The following GRM8 variants were observed in gnomAD, a reference collection of about 807,000 sequenced individuals.
GRM8 encodes the protein metabotropic glutamate receptor 8.
GRM8 carries 47 observed loss-of-function variants against 87.2 expected under a neutral mutation model. The ratio of observed to expected loss-of-function variants is 0.54; its 90% confidence interval spans 0.43 to 0.69. GRM8 has a LOEUF of 0.69. GRM8 is among the 30% of genes least tolerant of loss of function. The pLI is 0.00. For synonymous variants in GRM8, 396 were observed against 404.5 expected (o/e 0.98, Z 0.25); for missense variants, 1,019 against 1,139.2 (o/e 0.89, Z 1.52).
At chr7:126,532,889 A>G (rs1169282531) in intron 9 of GRM8, 63 bp downstream of exon 9, 1 of 943,832 alleles carries the variant, frequency 1.1e-6, no homozygotes, top group Non-Finnish European at 1.6e-6. Flanking sequence ...AAGGAGGAAA[A>G]GCATCCTAAA....
intron 3 of GRM8, among the ~76,000 whole-genome samples, chr7:126,915,738 G>T (rs1259792662): frequency 6.6e-6 from 1 of 152,118 alleles, no homozygotes; most frequent in African/African-American, 2.4e-5. Flanking sequence ...GGTGGCGGGG[G>T]AGAATGAAAG....
intron 6 of GRM8, among the ~76,000 whole-genome samples, chr7:126,845,504 A>C (rs905590000): frequency 6.6e-6 from 1 of 152,198 alleles, no homozygotes; most frequent in Non-Finnish European, 1.5e-5. Context: ...CACAATCTGC[A>C]CAGAAATGAA....
chr7:126,932,763 C>T (rs186232970), intron 3 of GRM8, among the ~76,000 whole-genome samples: 3 of 152,206 alleles, frequency 2.0e-5, no homozygotes, highest in Admixed American at 2.0e-4. Flanking sequence ...CCCTTATAGC[C>T]AGGCAGGGGT....
chr7:126,630,354 C>T (rs1448287040), intron 7 of GRM8, among the ~76,000 whole-genome samples: 2 of 151,846 alleles, frequency 1.3e-5, no homozygotes, highest in African/African-American at 4.8e-5. Flanking sequence ...CTGACTAGAC[C>T]AATAACAAGT....
chr7:127,032,125 C>A (rs1422029297), intron 3 of GRM8, among the ~76,000 whole-genome samples: 1 of 152,118 alleles, frequency 6.6e-6, no homozygotes, highest in Non-Finnish European at 1.5e-5. Context: ...TGAACCTATT[C>A]TTTTACTATT....
intron 3 of GRM8, among the ~76,000 whole-genome samples, chr7:127,063,080 G>A (rs546954817): frequency 1.8e-4 from 27 of 151,896 alleles, no homozygotes; most frequent in African/African-American, 5.6e-4. Flanking sequence ...GTGAAACCCC[G>A]TTTCTACAAA....
intron 7 of GRM8, among the ~76,000 whole-genome samples, chr7:126,649,244 A>G (rs894698459): frequency 1.3e-5 from 2 of 152,184 alleles, no homozygotes; most frequent in Non-Finnish European, 2.9e-5. Context: ...GGAGATTAAC[A>G]TTGAATCAGT....
intron 3 of GRM8, among the ~76,000 whole-genome samples, chr7:127,047,666 C>T (rs530498868): frequency 1.3e-5 from 2 of 151,958 alleles, no homozygotes; most frequent in Admixed American, 6.6e-5. Flanking sequence ...CTCATCTCTA[C>T]AAAAAACAGA....
chr7:126,893,884 C>T (rs537585342), intron 6 of GRM8, among the ~76,000 whole-genome samples: 1 of 152,138 alleles, frequency 6.6e-6, no homozygotes, highest in South Asian at 2.1e-4. Context: ...CTTTGCCCTA[C>T]TGTATCCAAT....
chr7:126,934,277 G>A (rs911355269), intron 3 of GRM8, among the ~76,000 whole-genome samples: 1 of 152,116 alleles, frequency 6.6e-6, no homozygotes, highest in Admixed American at 6.6e-5. Context: ...GCCACAAAAT[G>A]TAATTATTTA....
intron 6 of GRM8, among the ~76,000 whole-genome samples, chr7:126,785,084 A>C (rs1273011970): frequency 2.6e-5 from 4 of 152,140 alleles, no homozygotes; most frequent in African/African-American, 9.7e-5. Flanking sequence ...ACTCACAGGC[A>C]TGATCATAGC....
At chr7:126,864,369 T>C (rs1052446899) in intron 6 of GRM8, among the ~76,000 whole-genome samples, 3 of 152,158 alleles carry the variant, frequency 2.0e-5, no homozygotes, top group African/African-American at 7.2e-5. Flanking sequence ...AGATTTTTTT[T>C]ATTCTATCCT....
intron 7 of GRM8, among the ~76,000 whole-genome samples, chr7:126,690,053 T>C (rs1808634640): frequency 6.6e-6 from 1 of 152,238 alleles, no homozygotes; most frequent in Middle Eastern, 3.2e-3. Context: ...TTTCCAGGGC[T>C]AAACTTCTTG....
At chr7:126,742,077 A>C (rs1020196233) in intron 7 of GRM8, among the ~76,000 whole-genome samples, 4 of 152,044 alleles carry the variant, frequency 2.6e-5, no homozygotes, top group African/African-American at 9.7e-5. Flanking sequence ...TCTTCAGTAC[A>C]GGCGCGTTTC....
At chr7:127,100,027 A>AGG (rs1825077547) in intron 3 of GRM8, among the ~76,000 whole-genome samples, 1 of 152,174 alleles carries the variant, frequency 6.6e-6, no homozygotes, top group Non-Finnish European at 1.5e-5. Context: ...TCTACAAGCC[A>AGG]AGGAATACCA....
At chr7:126,457,139 T>G (rs892319095) in intron 9 of GRM8, among the ~76,000 whole-genome samples, 6 of 151,466 alleles carry the variant, frequency 4.0e-5, no homozygotes, top group African/African-American at 1.5e-4. Context: ...TTGAATTGAA[T>G]AGATGAGTTT....
At chr7:126,743,028 T>G (rs544797385) in intron 7 of GRM8, among the ~76,000 whole-genome samples, 8 of 152,222 alleles carry the variant, frequency 5.3e-5, no homozygotes, top group Admixed American at 3.9e-4. Flanking sequence ...ATCATATTTA[T>G]GCACTGGGGA....
intron 3 of GRM8, among the ~76,000 whole-genome samples, chr7:127,064,901 C>A (rs1820960176): frequency 6.6e-6 from 1 of 152,092 alleles, no homozygotes; most frequent in South Asian, 2.1e-4. Flanking sequence ...AAGGGAACAC[C>A]TATACACTGT....
At chr7:126,620,865 A>G (rs1356159488) in intron 7 of GRM8, among the ~76,000 whole-genome samples, 3 of 152,124 alleles carry the variant, frequency 2.0e-5, no homozygotes, top group Non-Finnish European at 2.9e-5. Context: ...ATGTGCAAAA[A>G]TTATACATCT....
Sources: gnomAD v4.1 joint callset for allele counts (sites outside exome capture counted in the v4.1 genomes callset) on GRCh38, gnomAD v4.1.1 for gene constraint, MANE v1.5 for transcripts, NCBI Gene and HGNC (gene_info 2026-07-23, HGNC 2026-07-21) for gene names.